ROBO1: variants seen among roughly 807,000 people sequenced by gnomAD.
ROBO1 encodes roundabout homolog 1.
Under a neutral mutation model 195.9 loss-of-function variants are expected in ROBO1, and 149 were observed. The ratio of observed to expected loss-of-function variants is 0.76; its 90% CI spans 0.67 to 0.87. The LOEUF (loss-of-function observed/expected upper bound fraction) is 0.87, where lower values mean the gene tolerates loss of function less well. Among genes scored for constraint, ROBO1 ranks in the 40% least tolerant of loss-of-function variants. The probability of loss-of-function intolerance (pLI) is 0.00; values close to 1 mark genes in which losing one functional copy is unlikely to be tolerated. For synonymous variants in ROBO1, 816 were observed against 733.2 expected (o/e 1.11, Z -1.82); for missense variants, 1,933 against 2,068.3 (o/e 0.93, Z 1.27).
intron 4 of ROBO1, among the ~76,000 whole-genome samples, chr3:78,872,083 A>G (rs1171927673): frequency 6.6e-6 from 1 of 152,158 alleles, no homozygotes; most frequent in Admixed American, 6.6e-5. Flanking sequence ...TATTGCAACT[A>G]TTTTATAAGA....
chr3:79,185,793 A>G (rs1006991559), intron 2 of ROBO1, among the ~76,000 whole-genome samples: 7 of 152,154 alleles, frequency 4.6e-5, no homozygotes, highest in Non-Finnish European at 7.4e-5. Context: ...ATCTTGTGAC[A>G]TGAGCACAGC....
chr3:79,745,378 C>T (rs1703830566), intron 1 of ROBO1, among the ~76,000 whole-genome samples: 1 of 152,038 alleles, frequency 6.6e-6, no homozygotes, highest in Non-Finnish European at 1.5e-5. Context: ...TGGTTCTTGT[C>T]TTTTTTAAAA....
intron 2 of ROBO1, among the ~76,000 whole-genome samples, chr3:79,320,161 T>C (rs1460380681): frequency 6.6e-6 from 1 of 152,180 alleles, no homozygotes; most frequent in Non-Finnish European, 1.5e-5. Flanking sequence ...TGCCAGGATA[T>C]TTGGATTCTG....
At chr3:78,676,528 G>A (rs1409833730) in intron 10 of ROBO1, among the ~76,000 whole-genome samples, 1 of 152,178 alleles carries the variant, frequency 6.6e-6, no homozygotes, top group African/African-American at 2.4e-5. Flanking sequence ...CGTGAAGAAT[G>A]CAGAAGCCTC....
At chr3:78,673,324 A>G (rs1449962939) in intron 10 of ROBO1, among the ~76,000 whole-genome samples, 2 of 150,878 alleles carry the variant, frequency 1.3e-5, no homozygotes, top group Admixed American at 6.6e-5. Context: ...CATTATTGTC[A>G]GTATAAAAAT....
At chr3:79,124,086 C>T (rs2080170240) in intron 3 of ROBO1, among the ~76,000 whole-genome samples, 4 of 151,988 alleles carry the variant, frequency 2.6e-5, no homozygotes, top group Admixed American at 2.6e-4. Flanking sequence ...AGAATACTAC[C>T]TTGGATTCCT....
At chr3:79,578,335 A>G (rs1212573518) in intron 2 of ROBO1, among the ~76,000 whole-genome samples, 2 of 152,196 alleles carry the variant, frequency 1.3e-5, no homozygotes, top group Non-Finnish European at 2.9e-5. Context: ...GATTCAATGA[A>G]ACAAGTTTCA....
chr3:79,688,966 GAT>G (rs1276029278), intron 1 of ROBO1, among the ~76,000 whole-genome samples: 1 of 151,882 alleles, frequency 6.6e-6, no homozygotes, highest in East Asian at 1.9e-4. Flanking sequence ...ATTATTTTGT[GAT>G]GTCTTCTCTG....
At chr3:78,739,453 A>T (rs1254273865) in intron 5 of ROBO1, among the ~76,000 whole-genome samples, 1 of 152,198 alleles carries the variant, frequency 6.6e-6, no homozygotes, top group East Asian at 1.9e-4. Flanking sequence ...CACAATTTGG[A>T]CTGATAACTA....
chr3:79,601,715 T>C (rs1157420968), intron 1 of ROBO1, among the ~76,000 whole-genome samples: 5 of 151,948 alleles, frequency 3.3e-5, no homozygotes, highest in African/African-American at 1.2e-4. Flanking sequence ...GATTAAAAAA[T>C]AGAGAATGCT....
chr3:78,638,104 T>G (rs1249569262), intron 22 of ROBO1, among the ~76,000 whole-genome samples: 1 of 151,820 alleles, frequency 6.6e-6, no homozygotes, highest in East Asian at 1.9e-4. Context: ...GCAAGATAAT[T>G]TACTCACACA....
chr3:79,421,417 T>G (rs2038218564), intron 2 of ROBO1, among the ~76,000 whole-genome samples: 1 of 151,770 alleles, frequency 6.6e-6, no homozygotes, highest in South Asian at 2.1e-4. Flanking sequence ...CATCTGCTTT[T>G]GCTCCAGTGG....
intron 3 of ROBO1, among the ~76,000 whole-genome samples, chr3:78,973,856 G>A (rs887666276): frequency 6.6e-6 from 1 of 151,782 alleles, no homozygotes; most frequent in Non-Finnish European, 1.5e-5. Flanking sequence ...TGTCTGAGGT[G>A]GACATGTAGT....
At chr3:79,273,159 CA>C (rs1354840150) in intron 2 of ROBO1, among the ~76,000 whole-genome samples, 2 of 151,992 alleles carry the variant, frequency 1.3e-5, no homozygotes, top group Non-Finnish European at 2.9e-5. Context: ...ACTAAGAAAT[CA>C]TCTGAAAGTA....
intron 2 of ROBO1, among the ~76,000 whole-genome samples, chr3:79,518,672 T>TTTA (rs200268209): frequency 0.014 from 2,140 of 151,478 alleles, 29 homozygotes; most frequent in African/African-American, 0.044. Context: ...CTCCAAATCT[T>TTTA]TTATTATTAT....
At chr3:78,781,168 A>G (rs2108482302) in intron 4 of ROBO1, among the ~76,000 whole-genome samples, 1 of 152,238 alleles carries the variant, frequency 6.6e-6, no homozygotes, top group Non-Finnish European at 1.5e-5. Flanking sequence ...CATTTCCTCT[A>G]TTAGTATATA....
At chr3:78,740,938 C>A (rs1275517209) in intron 5 of ROBO1, among the ~76,000 whole-genome samples, 1 of 151,946 alleles carries the variant, frequency 6.6e-6, no homozygotes, top group Non-Finnish European at 1.5e-5. Flanking sequence ...TAATCTAAAA[C>A]AAAAGGTTTA....
intron 1 of ROBO1, among the ~76,000 whole-genome samples, chr3:79,646,534 C>A (rs1001381258): frequency 6.6e-6 from 1 of 151,992 alleles, no homozygotes; most frequent in Non-Finnish European, 1.5e-5. Context: ...CCATATGATC[C>A]AGCAATTACA....
At chr3:79,071,572 G>A (rs1396620712) in intron 3 of ROBO1, among the ~76,000 whole-genome samples, 6 of 151,544 alleles carry the variant, frequency 4.0e-5, no homozygotes, top group Non-Finnish European at 8.8e-5. Context: ...TTTTCCGTGG[G>A]TGTCCTGTAT....
Sources: gnomAD v4.1 joint callset for allele counts (sites outside exome capture counted in the v4.1 genomes callset) on GRCh38, gnomAD v4.1.1 for gene constraint, MANE v1.5 for transcripts, NCBI Gene and HGNC (gene_info 2026-07-23, HGNC 2026-07-21) for gene names.